PDXDC1: variants seen among roughly 807,000 people sequenced by gnomAD.
PDXDC1 encodes the protein pyridoxal-dependent decarboxylase domain-containing protein 1.
A neutral mutation model predicts 100.1 loss-of-function variants in PDXDC1; 42 were observed. The observed-to-expected ratio is 0.42, with a 90% CI of 0.33 to 0.54. PDXDC1 has a LOEUF of 0.54. Among genes scored for constraint, PDXDC1 ranks in the 20% least tolerant of loss-of-function variants. The pLI, the probability that PDXDC1 is intolerant of heterozygous loss-of-function variation, is 0.10. For missense variants in PDXDC1, 636 were observed against 979.2 expected (o/e 0.65, Z 4.68); for synonymous variants, 260 against 371.7 (o/e 0.70, Z 3.46).
At chr16:15,047,278 C>T in intron 16 of PDXDC1, 1 of 612,308 alleles carries the variant, frequency 1.6e-6, no homozygotes, top group Non-Finnish European at 2.9e-6. Flanking sequence ...TTCACTCAAC[C>T]ACTGCTGACG....
chr16:15,008,659 C>T, intron 6 of PDXDC1, 120 bp from the exon 7 acceptor site: 2 of 880,962 alleles, frequency 2.3e-6, no homozygotes, highest in South Asian at 1.8e-5. Flanking sequence ...ATTAAGAGTT[C>T]CTAAGGAGAG....
At chr16:15,123,636 TGA>T in intron 16 of PDXDC1, 1 of 572,528 alleles carries the variant, frequency 1.7e-6, no homozygotes, top group South Asian at 2.0e-5. Flanking sequence ...AAAATTAACC[TGA>T]CTTATTTTGT....
At chr16:14,990,027 C>G in intron 1 of PDXDC1, 1 of 1,474,744 alleles carries the variant, frequency 6.8e-7, no homozygotes, top group Non-Finnish European at 8.9e-7. Flanking sequence ...GTGCAGGCCG[C>G]CCGCCGCCCG....
At chr16:15,084,180 T>C (rs2045821625) in intron 16 of PDXDC1, among the ~76,000 whole-genome samples, 1 of 152,214 alleles carries the variant, frequency 6.6e-6, no homozygotes, top group Non-Finnish European at 1.5e-5. Flanking sequence ...ATGTATATTA[T>C]TTTTAAAAGA....
At chr16:15,003,013 CTTA>C (rs939675859) in intron 4 of PDXDC1, among the ~76,000 whole-genome samples, 2 of 152,246 alleles carry the variant, frequency 1.3e-5, no homozygotes, top group Admixed American at 6.5e-5. Flanking sequence ...TTGTCTTTTT[CTTA>C]TTATTCACAG....
At chr16:14,989,678 A>G in intron 1 of PDXDC1, 3 of 1,561,696 alleles carry the variant, frequency 1.9e-6, no homozygotes, top group Admixed American at 3.9e-5. Flanking sequence ...CGGGGCCAGG[A>G]CCTGGGGACC....
At chr16:15,130,235 G>A (rs1253167016) in intron 16 of PDXDC1, 15 of 1,549,900 alleles carry the variant, frequency 9.7e-6, no homozygotes, top group South Asian at 3.6e-5. Context: ...TTGGGGGCAC[G>A]AAGAGGCTGG....
intron 16 of PDXDC1, chr16:15,106,270 T>C (rs2046793925): frequency 3.7e-6 from 4 of 1,085,652 alleles, no homozygotes; most frequent in Non-Finnish European, 5.2e-6. Flanking sequence ...TTTGCATCTG[T>C]AGTAGTCCTC....
intron 16 of PDXDC1, among the ~76,000 whole-genome samples, chr16:15,082,771 T>C (rs568594387): frequency 6.6e-6 from 1 of 152,314 alleles, no homozygotes; most frequent in African/African-American, 2.4e-5. Flanking sequence ...TTCGGTTTTC[T>C]ACTAAGGCAA....
At chr16:15,065,261 G>T in intron 16 of PDXDC1, 1 of 1,613,848 alleles carries the variant, frequency 6.2e-7, no homozygotes, top group Non-Finnish European at 8.5e-7. Flanking sequence ...GGTGTCCAGC[G>T]GGTTTGTGCA....
At chr16:15,042,386 C>CA (rs1484043733), downstream of PDXDC1, among the ~76,000 whole-genome samples, 4 of 151,832 alleles carry the variant, frequency 2.6e-5, no homozygotes, top group African/African-American at 9.7e-5. Context: ...GATGGGGTTT[C>CA]ACCATGTTGG....
At chr16:15,137,467 G>A (rs1416379025) in intron 16 of PDXDC1, 11 of 1,114,856 alleles carry the variant, frequency 9.9e-6, no homozygotes, top group South Asian at 5.3e-5. Context: ...GCAGGCCTTC[G>A]TGGGCAGCTG....
At chr16:15,129,148 T>TG (rs1470434861) in intron 16 of PDXDC1, among the ~76,000 whole-genome samples, 1 of 151,060 alleles carries the variant, frequency 6.6e-6, no homozygotes, top group Non-Finnish European at 1.5e-5. Context: ...AACTGGGAAA[T>TG]GAAGATAAAA....
At chr16:15,068,551 A>T (rs1039481659) in intron 16 of PDXDC1, among the ~76,000 whole-genome samples, 1 of 152,174 alleles carries the variant, frequency 6.6e-6, no homozygotes, top group Non-Finnish European at 1.5e-5. Flanking sequence ...TGTGAAATTC[A>T]TATGTTTGCA....
At chr16:15,143,071 T>G (rs1372788433), downstream of PDXDC1, among the ~76,000 whole-genome samples, 1 of 151,976 alleles carries the variant, frequency 6.6e-6, no homozygotes, top group Non-Finnish European at 1.5e-5. Flanking sequence ...AAGCCAAGCT[T>G]GTTGGGAGAA....
chr16:15,036,587 A>G lies in PDXDC1; in HGVS notation c.*312A>G. The G allele has an allele frequency of 2.5e-6, 1 of 395,242 alleles. No homozygotes were observed. The highest frequency in any genetic ancestry group is 4.6e-6 in the Non-Finnish European group (1 of 219,228). The allele number at this position is 395,242 out of a possible 1,614,324, so 24.5% of individuals were successfully genotyped here. ...AGTAGCACCCTTGCTCTTTCTAAAC[A>G]TAAGCCTAAGTATATGAGGTTGCCC... On this transcript the variant is annotated 3_prime_UTR_variant, in exon 23 of 23. Coordinates refer to ENST00000396410, the MANE Select transcript of PDXDC1 (RefSeq NM_015027.4).
chr16:15,049,531 C>G (rs528695517), intron 16 of PDXDC1, among the ~76,000 whole-genome samples: 185 of 152,022 alleles, frequency 1.2e-3, no homozygotes, highest in African/African-American at 4.3e-3. Flanking sequence ...CAGGTTCAAG[C>G]GATTCTCGTG....
At chr16:15,062,136 G>A (rs192397130) in intron 16 of PDXDC1, among the ~76,000 whole-genome samples, 2 of 152,320 alleles carry the variant, frequency 1.3e-5, no homozygotes, top group East Asian at 1.9e-4. Context: ...GCAACATAGC[G>A]AGACCATGTC....
chr16:15,031,941 T>C, intron 17 of PDXDC1, 35 bp downstream of exon 17: 1 of 1,542,640 alleles, frequency 6.5e-7, no homozygotes, highest in South Asian at 1.2e-5. Context: ...TGTTGGAGAC[T>C]TTTCTGTATA....
Sources: gnomAD v4.1 joint callset for allele counts (sites outside exome capture counted in the v4.1 genomes callset) on GRCh38, gnomAD v4.1.1 for gene constraint, MANE v1.5 for transcripts, NCBI Gene and HGNC (gene_info 2026-07-23, HGNC 2026-07-21) for gene names.